Variants in ZBTB20 observed in about 807,000 individuals in gnomAD.
ZBTB20 encodes zinc finger and BTB domain-containing protein 20.
ZBTB20 carries 9 observed loss-of-function variants against 56.9 expected under a neutral mutation model. That is an observed-to-expected ratio of 0.16 (90% CI 0.10 to 0.28). ZBTB20 has a LOEUF of 0.28. ZBTB20 is among the 10% of genes least tolerant of loss of function. The probability of loss-of-function intolerance (pLI) is 1.00; values close to 1 mark genes in which losing one functional copy is unlikely to be tolerated. For missense variants in ZBTB20, 655 were observed against 1,003.0 expected (o/e 0.65, Z 4.69); for synonymous variants, 417 against 420.7 (o/e 0.99, Z 0.11).
chr3:114,464,731 C>T (rs1405162862), intron 7 of ZBTB20, among the ~76,000 whole-genome samples: 1 of 152,066 alleles, frequency 6.6e-6, no homozygotes, highest in African/African-American at 2.4e-5. Context: ...ATAAAAAGGA[C>T]ATGAATAGCT....
At chr3:114,981,010 TG>T (rs2078303870) in intron 2 of ZBTB20, among the ~76,000 whole-genome samples, 2 of 151,998 alleles carry the variant, frequency 1.3e-5, no homozygotes, top group South Asian at 4.1e-4. Flanking sequence ...TCACTTAAAA[TG>T]AAAAAATTAT....
intron 4 of ZBTB20, among the ~76,000 whole-genome samples, chr3:114,835,280 T>C (rs2074061167): frequency 6.6e-6 from 1 of 152,208 alleles, no homozygotes. Flanking sequence ...AATGTATCTT[T>C]ACAATTCTCA....
chr3:115,012,960 G>C (rs1346996520), intron 2 of ZBTB20, among the ~76,000 whole-genome samples: 2 of 151,736 alleles, frequency 1.3e-5, no homozygotes, highest in Non-Finnish European at 2.9e-5. Flanking sequence ...ATATGTTCCA[G>C]AATGACAAGT....
chr3:114,877,347 T>C (rs993659732), intron 4 of ZBTB20, among the ~76,000 whole-genome samples: 1 of 152,194 alleles, frequency 6.6e-6, no homozygotes, highest in Non-Finnish European at 1.5e-5. Flanking sequence ...TAGGTCTCTA[T>C]TAAGAAGTTC....
intron 4 of ZBTB20, among the ~76,000 whole-genome samples, chr3:114,878,713 G>A (rs2076290840): frequency 6.6e-6 from 1 of 152,108 alleles, no homozygotes; most frequent in Non-Finnish European, 1.5e-5. Context: ...ACATGGAAAA[G>A]GAGATTATGT....
intron 4 of ZBTB20, among the ~76,000 whole-genome samples, chr3:114,807,680 T>C (rs1268431309): frequency 6.6e-6 from 1 of 152,132 alleles, no homozygotes; most frequent in Non-Finnish European, 1.5e-5. Flanking sequence ...CTTCTATTCC[T>C]TTTGTTGAAA....
intron 5 of ZBTB20, among the ~76,000 whole-genome samples, chr3:114,751,069 T>A (rs2067523862): frequency 6.6e-6 from 1 of 152,200 alleles, no homozygotes. Context: ...ATCAAATTTA[T>A]ACCAAGTTCC....
intron 5 of ZBTB20, among the ~76,000 whole-genome samples, chr3:114,709,207 T>C (rs114052819): frequency 0.019 from 2,931 of 152,266 alleles, 96 homozygotes; most frequent in African/African-American, 0.067. Context: ...CTCCATAGTA[T>C]TAATTAGTTA....
rs867578022 is a variant in ZBTB20 at position 114,726,782 on chromosome 3, G to C, written c.-342-33207C>G. ...AAAAATTTAGCCAGGCATGGTGGCA[G>C]GCACCTGTAGTCCCCGCTGCTCAGG... On this transcript the variant is annotated intron_variant, in intron 5 of 11. Transcript: ENST00000675478. Among the ~76,000 whole-genome samples, 3 of 151,872 alleles carry C rather than the reference G, an allele frequency of 2.0e-5. No individual in the cohort carries two copies. In the Middle Eastern group the frequency reaches 0.01, roughly 517 times the overall value.
chr3:114,986,516 T>C (rs2078550405), intron 2 of ZBTB20, among the ~76,000 whole-genome samples: 1 of 152,140 alleles, frequency 6.6e-6, no homozygotes, highest in Non-Finnish European at 1.5e-5. Flanking sequence ...AGATGTTTAC[T>C]GATTTCTCTT....
intron 1 of ZBTB20, among the ~76,000 whole-genome samples, chr3:115,143,717 A>G (rs959804290): frequency 4.2e-4 from 64 of 152,338 alleles, no homozygotes; most frequent in Admixed American, 1.2e-3. Flanking sequence ...AATTTCAAAG[A>G]CATTATTAAA....
intron 3 of ZBTB20, among the ~76,000 whole-genome samples, chr3:114,909,924 A>C (rs545916954): frequency 5.8e-4 from 89 of 152,168 alleles, no homozygotes; most frequent in Non-Finnish European, 9.1e-4. Context: ...AAAAGCTGAA[A>C]CGTAACAATA....
chr3:114,547,542 A>T (rs1470240552), intron 6 of ZBTB20, among the ~76,000 whole-genome samples: 1 of 152,232 alleles, frequency 6.6e-6, no homozygotes, highest in Non-Finnish European at 1.5e-5. Context: ...ATGGACAGTA[A>T]TTGAAAAAGA....
At chr3:114,627,757 C>A (rs1007909692) in intron 6 of ZBTB20, among the ~76,000 whole-genome samples, 3 of 152,198 alleles carry the variant, frequency 2.0e-5, no homozygotes, top group Non-Finnish European at 4.4e-5. Flanking sequence ...ACAACCTTGA[C>A]CAACAAGTCA....
intron 1 of ZBTB20, among the ~76,000 whole-genome samples, chr3:115,073,930 CA>C (rs900199162): frequency 6.6e-6 from 1 of 151,834 alleles, no homozygotes; most frequent in East Asian, 1.9e-4. Context: ...TTCTGAAGAC[CA>C]AAAAAATCCC....
chr3:114,414,893 C>G (rs2088368278), intron 7 of ZBTB20, among the ~76,000 whole-genome samples: 1 of 151,668 alleles, frequency 6.6e-6, no homozygotes, highest in Non-Finnish European at 1.5e-5. Flanking sequence ...ACTCCTTTCT[C>G]TGGGGTTCTC....
rs2069014487 is a variant in ZBTB20, at chr3:114,769,383, ACACT to A, written c.-343+31714_-343+31717del. Among the ~76,000 whole-genome samples the A allele has an allele frequency of 1.3e-5, 2 of 151,610 alleles. 1 individual carries two copies. ...GTGTGCATATATATATTATATACAC[ACACT>A]ATCATACATATATACTATATACATA... On this transcript the variant is annotated intron_variant, in intron 5 of 11. Coordinates refer to ENST00000675478, the MANE Select transcript of ZBTB20 (RefSeq NM_001348800.3).
intron 7 of ZBTB20, among the ~76,000 whole-genome samples, chr3:114,400,204 C>T (rs1204899561): frequency 6.6e-6 from 1 of 152,104 alleles, no homozygotes; most frequent in African/African-American, 2.4e-5. Context: ...GGCCAAGTCA[C>T]TAACTTTTGT....
chr3:114,327,841 T>A lies in ZBTB20; in HGVS notation c.*11164A>T, dbSNP rs1233380514. ...TCTTCATTAAAGCTGAGAGGCGATG[T>A]GGTATCATGGCAAGAATATTGGACC... On this transcript the variant is annotated 3_prime_UTR_variant, in exon 12 of 12. Coordinates refer to ENST00000675478, the MANE Select transcript of ZBTB20 (RefSeq NM_001348800.3). 6.6e-6 allele frequency: 1 copy of A among 152,210 alleles called. No individual in the cohort carries two copies. Among genetic ancestry groups the A allele is most frequent in the Non-Finnish European group, 1.5e-5 (1 of 68,038 alleles). 9.4% of individuals were successfully genotyped at this position (152,210 alleles called of 1,614,324 possible).
Sources: gnomAD v4.1 joint callset for allele counts (sites outside exome capture counted in the v4.1 genomes callset) on GRCh38, gnomAD v4.1.1 for gene constraint, MANE v1.5 for transcripts, NCBI Gene and HGNC (gene_info 2026-07-23, HGNC 2026-07-21) for gene names.